The following TNFSF13B variants were observed in gnomAD, a reference collection of about 807,000 sequenced individuals.
TNFSF13B encodes TNF superfamily member 13b, also known as tumor necrosis factor ligand superfamily member 13B.
Under a neutral mutation model 29.1 loss-of-function variants are expected in TNFSF13B, and 8 were observed. That is an observed-to-expected ratio of 0.27 (90% CI 0.16 to 0.50). The LOEUF (loss-of-function observed/expected upper bound fraction) is 0.50, where lower values mean the gene tolerates loss of function less well. Ranked by LOEUF, TNFSF13B falls within the 20% of genes least tolerant of loss-of-function variation. TNFSF13B has a pLI of 0.98. For missense variants in TNFSF13B, 248 were observed against 334.9 expected (o/e 0.74, Z 2.03); for synonymous variants, 125 against 130.8 (o/e 0.96, Z 0.30).
intron 2 of TNFSF13B, among the ~76,000 whole-genome samples, chr13:108,275,387 A>C (rs924147174): frequency 3.3e-5 from 5 of 152,252 alleles, no homozygotes; most frequent in African/African-American, 1.2e-4. Context: ...TTCATTGTTA[A>C]AATTAGGTAA....
rs1362338766 is a variant in TNFSF13B, at chr13:108,298,608, C to G, written c.482-4645C>G. On this transcript the variant is annotated intron_variant, in intron 3 of 5. Transcript: ENST00000375887. ...ATCCTTTAATATTATGTTGGCATTT[C>G]TGTGTCTTTTGCTTCTCTATATATT... Among the ~76,000 whole-genome samples the G allele has an allele frequency of 1.4e-5, 2 of 145,192 alleles. 1 individual carries two copies. The highest frequency in any genetic ancestry group is 3.1e-5 in the Non-Finnish European group (2 of 65,540).
At chr13:108,299,823 A>G (rs965099050) in intron 3 of TNFSF13B, among the ~76,000 whole-genome samples, 6 of 152,126 alleles carry the variant, frequency 3.9e-5, no homozygotes, top group African/African-American at 1.4e-4. Flanking sequence ...TATAAAAATA[A>G]GTAAACATGT....
intron 3 of TNFSF13B, among the ~76,000 whole-genome samples, chr13:108,298,127 T>C (rs1052856460): frequency 3.4e-5 from 5 of 145,624 alleles, no homozygotes; most frequent in African/African-American, 1.3e-4. Flanking sequence ...GTTTCCTTCA[T>C]GATATATCAG....
chr13:108,271,444 T>TCACACA lies in TNFSF13B; in HGVS notation c.424+1060_424+1065dup, dbSNP rs59438208. ...GAGAGATAGACCAGGGACCCTTCTA[T>TCACACA]CACACACACACACACACACACACAC... On this transcript the variant is annotated intron_variant, in intron 2 of 5. Coordinates refer to ENST00000375887, the MANE Select transcript of TNFSF13B (RefSeq NM_006573.5). Among the ~76,000 whole-genome samples, 500 of 142,986 alleles carry TCACACA rather than the reference T, an allele frequency of 3.5e-3. 3 individuals carry two copies. The highest frequency in any genetic ancestry group is 4.6e-3 in the African/African-American group (177 of 38,422). 93.8% of individuals were successfully genotyped at this position (142,986 alleles called of 152,430 possible).
intron 2 of TNFSF13B, among the ~76,000 whole-genome samples, chr13:108,276,590 C>CAA (rs139305224): frequency 2.5e-4 from 38 of 151,808 alleles, no homozygotes; most frequent in African/African-American, 9.2e-4. Flanking sequence ...AATTAAAATA[C>CAA]AAAAAAATGG....
chr13:108,286,788 A>T lies in TNFSF13B; in HGVS notation c.425-15A>T. ...TCTACTCAAGTAACTAAAATGATAA[A>T]TTTTTGCTTTTTAGTCACTCAAGAC... On this transcript the variant is annotated splice_polypyrimidine_tract_variant and intron_variant, in intron 2 of 5. Coordinates refer to ENST00000375887, the MANE Select transcript of TNFSF13B (RefSeq NM_006573.5). 1.3e-6 allele frequency: 2 copies of T among 1,542,144 alleles called. No homozygotes were observed. The highest frequency in any genetic ancestry group is 1.8e-6 in the Non-Finnish European group (2 of 1,135,816).
chr13:108,296,836 GT>G (rs1451692893), intron 3 of TNFSF13B, among the ~76,000 whole-genome samples: 3 of 145,174 alleles, frequency 2.1e-5, no homozygotes, highest in African/African-American at 7.7e-5. Context: ...TAACAATGTG[GT>G]TTGAATTGAT....
intron 2 of TNFSF13B, among the ~76,000 whole-genome samples, chr13:108,271,697 C>A (rs1566396367): frequency 6.6e-6 from 1 of 151,982 alleles, no homozygotes. Flanking sequence ...TTATCGTCTG[C>A]ATTTTATAGT....
At chr13:108,273,501 TAAACATGCA>T (rs1880676972) in intron 2 of TNFSF13B, among the ~76,000 whole-genome samples, 1 of 152,136 alleles carries the variant, frequency 6.6e-6, no homozygotes, top group Non-Finnish European at 1.5e-5. Context: ...GAAACAAACA[TAAACATGCA>T]GTATTAAGTC....
Position 108,303,137 on chromosome 13 carries a change from C to CT in TNFSF13B, c.482-106dup, listed in dbSNP as rs1259611261. ...TTTCCTTTTTTTTCTTTCTTTCTTTCTTTTTTTTTTAGGATGGAATTATCT... is the reference window on the plus strand; with the variant it reads ...TTTCCTTTTTTTTCTTTCTTTCTTTCTTTTTTTTTTTAGGATGGAATTATCT... On this transcript the variant is annotated intron_variant, in intron 3 of 5. Transcript: ENST00000375887. 8.1e-3 allele frequency: 4,910 copies of CT among 603,908 alleles called. 1 individual carries two copies. The highest frequency in any genetic ancestry group is 9.7e-3 in the South Asian group (361 of 37,314). The allele number at this position is 603,908 out of a possible 1,614,324, so 37.4% of individuals were successfully genotyped here.
At chr13:108,281,872 A>T (rs1031421045) in intron 2 of TNFSF13B, among the ~76,000 whole-genome samples, 1 of 151,988 alleles carries the variant, frequency 6.6e-6, no homozygotes, top group African/African-American at 2.4e-5. Context: ...CATTTTCTTC[A>T]TAAGTCTTTG....
In TNFSF13B at chr13:108,306,711, A is replaced by T; in HGVS notation, c.746-115A>T. The T allele has an allele frequency of 8.3e-6, 5 of 599,638 alleles. No individual in the cohort carries two copies. The South Asian group carries it at 1.1e-4, about 13-fold the overall frequency. 37.1% of individuals were successfully genotyped at this position (599,638 alleles called of 1,614,324 possible). A position where few individuals can be genotyped will look rare whatever the true frequency, so the allele number is the denominator to read the frequency against. Reference sequence around the variant, plus strand: ...TTAGAAGTCCGTTGGTGTATTTTGAAGTGTGAATGCCTATGTTAACATTTT... The same window carrying T: ...TTAGAAGTCCGTTGGTGTATTTTGATGTGTGAATGCCTATGTTAACATTTT... On this transcript the variant is annotated intron_variant, in intron 5 of 5. Transcript: ENST00000375887.
intron 3 of TNFSF13B, among the ~76,000 whole-genome samples, chr13:108,293,669 T>G (rs1881387504): frequency 6.6e-6 from 1 of 152,360 alleles, no homozygotes; most frequent in South Asian, 2.1e-4. Flanking sequence ...CTAGGTGTTA[T>G]GTTCTTTTGA....
At chr13:108,278,586 CCTCCCCTTCTCTTCCTCCTCCTCCCCTT>C (rs1880825851) in intron 2 of TNFSF13B, among the ~76,000 whole-genome samples, 2 of 133,744 alleles carry the variant, frequency 1.5e-5, no homozygotes, top group African/African-American at 2.8e-5. Flanking sequence ...CTCTCCTCCT[CCTCCCCTTCTCTTCCTCCTCCTCCCCTT>C]CTCTTCCTCC....
chr13:108,290,230 TG>T (rs1358716320), intron 3 of TNFSF13B, among the ~76,000 whole-genome samples: 6 of 152,212 alleles, frequency 3.9e-5, no homozygotes, highest in African/African-American at 1.4e-4. Context: ...GATCCTCATA[TG>T]AAAAAAAAAG....
chr13:108,298,013 A>G (rs76903196), intron 3 of TNFSF13B, among the ~76,000 whole-genome samples: 1,555 of 145,964 alleles, frequency 0.011, 224 homozygotes, highest in African/African-American at 0.038. Context: ...CATTTTTTAA[A>G]TGTCTCTGTA....
intron 3 of TNFSF13B, chr13:108,302,891 C>T (rs1311781915): frequency 1.0e-6 from 1 of 986,386 alleles, no homozygotes. Flanking sequence ...AAAATCTCTA[C>T]TAGTGTGTTA....
At position 108,306,731 on chromosome 13, in the gene TNFSF13B, C is replaced by CG. The variant is rs1881784891; in HGVS notation, c.746-95_746-94insG. The CG allele has an allele frequency of 2.6e-5, 15 of 568,468 alleles. No homozygotes were observed. In the South Asian group the frequency reaches 3.1e-4, roughly 12 times the overall value. The allele number at this position is 568,468 out of a possible 1,614,324, so 35.2% of individuals were successfully genotyped here. A position where few individuals can be genotyped will look rare whatever the true frequency, so the allele number is the denominator to read the frequency against. ...TTTGAAGTGTGAATGCCTATGTTAA[C>CG]ATTTTTTTTTTACAGAACAAAATAG... On this transcript the variant is annotated intron_variant, in intron 5 of 5. Transcript: ENST00000375887.
At chr13:108,273,938 C>G (rs1472025821) in intron 2 of TNFSF13B, among the ~76,000 whole-genome samples, 1 of 152,038 alleles carries the variant, frequency 6.6e-6, no homozygotes, top group African/African-American at 2.4e-5. Context: ...CCAACGCCTC[C>G]TTTCCCTCCT....
Sources: gnomAD v4.1 joint callset for allele counts (sites outside exome capture counted in the v4.1 genomes callset) on GRCh38, gnomAD v4.1.1 for gene constraint, MANE v1.5 for transcripts, NCBI Gene and HGNC (gene_info 2026-07-23, HGNC 2026-07-21) for gene names.